The following RNF103 variants were observed in gnomAD, a reference collection of about 807,000 sequenced individuals.
RNF103 encodes E3 ubiquitin-protein ligase RNF103.
RNF103 carries 23 observed loss-of-function variants against 66.2 expected under a neutral mutation model. The ratio of observed to expected loss-of-function variants is 0.35; its 90% CI spans 0.25 to 0.49. The LOEUF is 0.49. RNF103 is among the 20% of genes least tolerant of loss of function. The probability of loss-of-function intolerance (pLI) is 0.98; values close to 1 mark genes in which losing one functional copy is unlikely to be tolerated. For missense variants in RNF103, 730 were observed against 814.7 expected (o/e 0.90, Z 1.27); for synonymous variants, 297 against 289.9 (o/e 1.02, Z -0.25).
chr2:86,604,553 T>C lies in RNF103; in HGVS notation c.1348A>G (p.Asn450Asp), dbSNP rs201758154. The change falls in exon 4 of 4, where the codon AAT (asparagine) becomes GAT (aspartate). Residue 450 changes from asparagine (N) to aspartate (D), a missense_variant. Physicochemically the swap from Asn to Asp is conservative, Grantham distance 23. This residue lies in a region of RNF103 where 355 missense variants were observed against 351.9 expected (regional missense o/e 1.01). Coordinates refer to ENST00000237455, the MANE Select transcript of RNF103 (RefSeq NM_005667.4). ...AGACTTGATAACCATTCTAAGTTAT[T>C]GGCATTGACTTCATCATTGTTGTTG... ...RNNNNDEVNA[N>D]NLEWLSSLWD... 12 of 1,614,106 alleles carry C rather than the reference T, an allele frequency of 7.4e-6. No individual in the cohort carries two copies. The highest frequency in any genetic ancestry group is 1.7e-5 in the Admixed American group (1 of 59,996).
At chr2:86,608,598 C>T (rs907567169) in intron 3 of RNF103, among the ~76,000 whole-genome samples, 1 of 151,628 alleles carries the variant, frequency 6.6e-6, no homozygotes, top group African/African-American at 2.4e-5. Context: ...TGGTTTTCCT[C>T]GCTCTCTCTG....
chr2:86,606,250 T>G (rs1288056764), intron 3 of RNF103, among the ~76,000 whole-genome samples: 1 of 152,202 alleles, frequency 6.6e-6, no homozygotes, highest in Non-Finnish European at 1.5e-5. Context: ...TCATTTAGAT[T>G]TATGCAGTAG....
rs1291308286 is a variant in RNF103, at chr2:86,623,084, G to GGACGCAGA, written c.-206_-199dup. ...CGCGCGGGCGCGAGGCGGCGACGAG[G>GGACGCAGA]GACGCAGAGACGCAGAGCCTCGCGC... is the stretch of plus-strand genomic sequence containing the variant. On this transcript the variant is annotated 5_prime_UTR_variant, in exon 1 of 4. It removes the in-frame stop codon of an upstream open reading frame in the 5' UTR. Coordinates refer to ENST00000237455, the MANE Select transcript of RNF103 (RefSeq NM_005667.4). 28 of 1,291,082 alleles carry GGACGCAGA rather than the reference G, an allele frequency of 2.2e-5. No individual in the cohort carries two copies. In the Admixed American group the frequency reaches 3.4e-4, roughly 16 times the overall value. 80.0% of individuals were successfully genotyped at this position (1,291,082 alleles called of 1,614,324 possible).
chr2:86,620,738 G>C (rs1328436678), intron 1 of RNF103, among the ~76,000 whole-genome samples: 1 of 152,108 alleles, frequency 6.6e-6, no homozygotes, highest in Non-Finnish European at 1.5e-5. Context: ...TTTTAGTGGG[G>C]TTATCACATA....
rs1473903201 is a variant in RNF103 at position 86,604,020 on chromosome 2, A to G, written c.1881T>C (p.Asn627=). ...HCTECVVCLE[N]FENGCLLMGL... is the part of the protein sequence containing the mutation. ...CCATTAGCAAACATCCATTTTCAAA[A>G]TTCTCTAGGCAAACAACACATTCAG... is the stretch of plus-strand genomic sequence containing the variant. Residue 627 remains asparagine (N), a synonymous_variant, in exon 4 of 4, where the codon AAT becomes AAC. Transcript: ENST00000237455. The G allele has an allele frequency of 1.2e-6, 2 of 1,614,144 alleles. No homozygotes were observed. The highest frequency in any genetic ancestry group is 1.7e-5 in the Admixed American group (1 of 60,014).
chr2:86,621,722 A>T (rs1462333184), intron 1 of RNF103, among the ~76,000 whole-genome samples: 1 of 152,246 alleles, frequency 6.6e-6, no homozygotes, highest in Non-Finnish European at 1.5e-5. Flanking sequence ...GCTGACAAAA[A>T]TACTTGAAAC....
intron 1 of RNF103, among the ~76,000 whole-genome samples, chr2:86,621,829 T>C (rs1240380924): frequency 2.6e-5 from 4 of 152,200 alleles, no homozygotes; most frequent in African/African-American, 7.2e-5. Flanking sequence ...TATCCAAAGA[T>C]ATACTTTGTG....
intron 2 of RNF103, chr2:86,614,391 C>A (rs1244576469): frequency 6.6e-6 from 1 of 152,152 alleles, no homozygotes; most frequent in African/African-American, 2.4e-5. Flanking sequence ...CATTTGAGGT[C>A]AGGAGTTCAA....
rs566408280 is a variant in RNF103, at chr2:86,605,139, A to G, written c.762T>C (p.Ser254=). The G allele has an allele frequency of 8.7e-6, 14 of 1,613,916 alleles. No homozygotes were observed. The South Asian group carries it at 1.2e-4, about 14-fold the overall frequency. Residue 254 remains serine (S), a synonymous_variant, in exon 4 of 4, where the codon AGT becomes AGC. Coordinates refer to ENST00000237455, the MANE Select transcript of RNF103 (RefSeq NM_005667.4). ...ACTCAACTCTTCCAGTAAACTTTAT[A>G]CTTAGTGCAGAGAAGAAAGCTGGGG... ...DQPPAFFSAL[S]IKFTGRVEFI...
chr2:86,614,748 C>T (rs1678952359), intron 2 of RNF103: 4 of 964,126 alleles, frequency 4.1e-6, no homozygotes, highest in Non-Finnish European at 4.9e-6. Flanking sequence ...GTCAAATAAT[C>T]AAAGACAAGT....
intron 3 of RNF103, among the ~76,000 whole-genome samples, chr2:86,606,744 T>C (rs374251843): frequency 9.9e-5 from 15 of 151,202 alleles, no homozygotes; most frequent in African/African-American, 3.4e-4. Flanking sequence ...AGTGAAAATA[T>C]TTTCCTTTTG....
chr2:86,615,537 TA>T (rs1299759074), intron 2 of RNF103, among the ~76,000 whole-genome samples: 1 of 145,836 alleles, frequency 6.9e-6, no homozygotes. Flanking sequence ...TATATATATA[TA>T]ATATATATAC....
intron 2 of RNF103, among the ~76,000 whole-genome samples, chr2:86,615,888 T>C (rs1418309827): frequency 6.6e-6 from 1 of 152,186 alleles, no homozygotes; most frequent in African/African-American, 2.4e-5. Context: ...GCCCAACTCA[T>C]ATGGGTGCTC....
intron 2 of RNF103, chr2:86,617,867 C>A: frequency 9.1e-7 from 1 of 1,095,966 alleles, no homozygotes; most frequent in Non-Finnish European, 1.2e-6. Flanking sequence ...GTTCACAGTG[C>A]CAAGGACAGG....
rs1679317440 is a variant in RNF103, at chr2:86,623,442, G to C, written c.-556C>G. Reference sequence around the variant, plus strand: ...TCGGCCGGGCCAGGCCCGGGGCCCAGCGTGTTCTGCGCGGGGAGGAGCGGC... The same window carrying C: ...TCGGCCGGGCCAGGCCCGGGGCCCACCGTGTTCTGCGCGGGGAGGAGCGGC... On this transcript the variant is annotated 5_prime_UTR_variant, in exon 1 of 4. Transcript: ENST00000237455. The C allele has an allele frequency of 1.0e-6, 1 of 981,872 alleles. No individual in the cohort carries two copies. Among genetic ancestry groups the C allele is most frequent in the African/African-American group, 1.8e-5 (1 of 56,912 alleles). The allele number at this position is 981,872 out of a possible 1,614,324, so 60.8% of individuals were successfully genotyped here.
intron 3 of RNF103, among the ~76,000 whole-genome samples, chr2:86,607,707 T>G (rs1678628292): frequency 1.3e-5 from 2 of 152,258 alleles, no homozygotes; most frequent in African/African-American, 4.8e-5. Flanking sequence ...ACTGTCTTAT[T>G]TATATCTTAA....
rs751723340 is a variant in RNF103, at chr2:86,604,654, T to C, written c.1247A>G (p.His416Arg). 51 of 1,614,030 alleles carry C rather than the reference T, an allele frequency of 3.2e-5. No individual in the cohort carries two copies. Among genetic ancestry groups the C allele is most frequent in the Non-Finnish European group, 4.1e-5 (48 of 1,180,036 alleles). Residue 416 changes from histidine (H) to arginine (R), a missense_variant, in exon 4 of 4, where the codon CAC (histidine) becomes CGC (arginine). This residue lies in a region of RNF103 where 355 missense variants were observed against 351.9 expected (regional missense o/e 1.01). Transcript: ENST00000237455. ...GTATGTACTGAGAAACAGGGCTGGG[T>C]GTGAAGAGTAAAACATCCAGTCTGC... ...VRADWMFYSSHPALFLSTYLG... is the reference protein window; with the variant it reads ...VRADWMFYSSRPALFLSTYLG...
In RNF103 at chr2:86,603,706, T is replaced by A. The variant is rs972349045; in HGVS notation, c.*137A>T. The stretch of plus-strand genomic sequence containing the variant: ...CAAGGCAACCAAATAAATTCTGTCA[T>A]CAACATTAGCATAATGTGTATTTCC... On this transcript the variant is annotated 3_prime_UTR_variant, in exon 4 of 4. Coordinates refer to ENST00000237455, the MANE Select transcript of RNF103 (RefSeq NM_005667.4). 2.7e-5 allele frequency: 34 copies of A among 1,260,000 alleles called. No homozygotes were observed. The highest frequency in any genetic ancestry group is 3.6e-5 in the Non-Finnish European group (34 of 932,320). The allele number at this position is 1,260,000 out of a possible 1,614,324, so 78.1% of individuals were successfully genotyped here. A position where few individuals can be genotyped will look rare whatever the true frequency, so the allele number is the denominator to read the frequency against.
chr2:86,623,872 C>T (rs2104276774), upstream of RNF103: 3 of 1,287,530 alleles, frequency 2.3e-6, no homozygotes, highest in Non-Finnish European at 3.0e-6. Context: ...TAACAACTGA[C>T]GTCGCGATGA....
Sources: gnomAD v4.1 joint callset for allele counts (sites outside exome capture counted in the v4.1 genomes callset) on GRCh38, gnomAD v4.1.1 for gene constraint, gnomAD v4.1.1 regional missense constraint, MANE v1.5 for transcripts, NCBI Gene and HGNC (gene_info 2026-07-23, HGNC 2026-07-21) for gene names.